Variants in SYTL2 observed in about 807,000 individuals in gnomAD.
SYTL2 encodes the protein synaptotagmin like 2.
In SYTL2, 165 loss-of-function variants were observed where a neutral mutation model predicts 198.7. The ratio of observed to expected loss-of-function variants is 0.83; its 90% CI spans 0.73 to 0.94. The LOEUF (loss-of-function observed/expected upper bound fraction) is 0.94, where lower values mean the gene tolerates loss of function less well. Among genes scored for constraint, SYTL2 ranks in the 40% least tolerant of loss-of-function variants. The probability of loss-of-function intolerance (pLI) is 0.00; values close to 1 mark genes in which losing one functional copy is unlikely to be tolerated. For synonymous variants in SYTL2, 966 were observed against 917.7 expected, an observed-to-expected ratio of 1.05 and a Z score of -0.95; for missense variants, 2,835 against 2,582.8, an observed-to-expected ratio of 1.10 and a Z score of -2.12.
chr11:85,828,614 C>A, the SYTL2 span, among the ~76,000 whole-genome samples: 1 of 152,210 alleles, frequency 6.6e-6, no homozygotes, highest in Non-Finnish European at 1.5e-5. Context: ...ATTTCTCCCA[C>A]AATAATCCCT....
chr11:85,820,476 A>AGG, the SYTL2 span, among the ~76,000 whole-genome samples: 3 of 152,224 alleles, frequency 2.0e-5, no homozygotes, highest in African/African-American at 7.2e-5. Flanking sequence ...TTTCCACCCC[A>AGG]TAGAAGCAGC....
At chr11:85,805,941 A>G (rs1028558237) in intron 1 of SYTL2, among the ~76,000 whole-genome samples, 6 of 152,188 alleles carry the variant, frequency 3.9e-5, no homozygotes, top group Non-Finnish European at 7.4e-5. Context: ...AAATGCTCTT[A>G]TTTTGGCCTT....
intron 2 of SYTL2, among the ~76,000 whole-genome samples, chr11:85,748,860 T>C (rs1204825755): frequency 1.3e-5 from 2 of 152,230 alleles, no homozygotes; most frequent in East Asian, 1.9e-4. Flanking sequence ...ATTCATTCAA[T>C]AGCTCTCTGC....
the SYTL2 span, among the ~76,000 whole-genome samples, chr11:85,826,024 T>C: frequency 2.6e-5 from 4 of 152,232 alleles, no homozygotes; most frequent in Admixed American, 6.5e-5. Flanking sequence ...AAGAAACTAA[T>C]TCCAGATCCC....
chr11:85,695,336 T>G lies in SYTL2; in HGVS notation c.6579A>C (p.Lys2193Asn), dbSNP rs1565826853. ...GGLRIGFGTG[K>N]SYGTEVDWMD... is the part of the protein sequence containing the mutation. ...TCCAGTCCACTTCAGTCCCATAACT[T>G]TTACCTGAAAAAAGGAAGCTTTGCA... Residue 2193 changes from lysine (K) to asparagine (N), a missense_variant, in exon 20 of 20, where the codon AAA becomes AAC. By Grantham distance (94) the Lys-to-Asn change is moderately conservative. Coordinates refer to ENST00000359152, the MANE Select transcript of SYTL2 (RefSeq NM_206927.4). The G allele has an allele frequency of 2.6e-6, 4 of 1,541,522 alleles. No individual in the cohort carries two copies. In the Middle Eastern group the frequency reaches 5.2e-4, roughly 201 times the overall value.
chr11:85,749,425 T>A (rs1434540620), intron 2 of SYTL2, among the ~76,000 whole-genome samples: 2 of 152,154 alleles, frequency 1.3e-5, no homozygotes, highest in African/African-American at 4.8e-5. Context: ...ATCAAAGTGC[T>A]TCAGGCAGAG....
In SYTL2 at chr11:85,709,514, AAAT is replaced by A; in HGVS notation, c.5746-17_5746-15del. The A allele has an allele frequency of 1.2e-6, 2 of 1,612,206 alleles. No individual in the cohort carries two copies. The highest frequency in any genetic ancestry group is 2.2e-5 in the South Asian group (2 of 91,028). On this transcript the variant is annotated splice_polypyrimidine_tract_variant and intron_variant, in intron 13 of 19. Coordinates refer to ENST00000359152, the MANE Select transcript of SYTL2 (RefSeq NM_206927.4). ...ACTGCCACTCACCTGAAAGCATCAG[AAAT>A]ACATAGTGTTTGTCTCTATCTCATT... is the stretch of plus-strand genomic sequence containing the variant.
intron 1 of SYTL2, among the ~76,000 whole-genome samples, chr11:85,802,243 C>A (rs1451018418): frequency 7.8e-6 from 1 of 127,954 alleles, no homozygotes; most frequent in African/African-American, 2.9e-5. Flanking sequence ...TTTTTGTGAG[C>A]CGGAGCCTTG....
intron 9 of SYTL2, chr11:85,719,173 G>A: frequency 1.5e-6 from 2 of 1,322,768 alleles, no homozygotes; most frequent in Admixed American, 5.2e-5. Flanking sequence ...TTCTGTAAAG[G>A]GTATGATGCT....
chr11:85,785,031 A>G (rs1296254289), intron 1 of SYTL2, among the ~76,000 whole-genome samples: 1 of 152,118 alleles, frequency 6.6e-6, no homozygotes, highest in Non-Finnish European at 1.5e-5. Context: ...ACCAATCAGA[A>G]GAGGCTTCAA....
rs1307150348 is a variant in SYTL2 at position 85,726,430 on chromosome 11, G to T, written c.2928C>A (p.Val976=). ...ERMDEPNAEQ[V]YNPSQFENLR... Reference sequence around the variant, plus strand: ...AATTCTCAAACTGAGAGGGATTATAGACCTGTTCTGCATTGGGTTCATCCA... The same window carrying T: ...AATTCTCAAACTGAGAGGGATTATATACCTGTTCTGCATTGGGTTCATCCA... Residue 976 remains valine, a synonymous_variant, in exon 8 of 20, where the codon GTC becomes GTA. Coordinates refer to ENST00000359152, the MANE Select transcript of SYTL2 (RefSeq NM_206927.4). 4 of 1,613,224 alleles carry T rather than the reference G, an allele frequency of 2.5e-6. No individual in the cohort carries two copies. Among genetic ancestry groups the T allele is most frequent in the Non-Finnish European group, 8.5e-7 (1 of 1,179,838 alleles).
intron 3 of SYTL2, among the ~76,000 whole-genome samples, chr11:85,746,901 CT>C (rs1207438484): frequency 1.3e-5 from 2 of 152,200 alleles, no homozygotes; most frequent in African/African-American, 4.8e-5. Flanking sequence ...GGGCAAGTTA[CT>C]TAACTTCTCT....
At chr11:85,844,165 T>C in the SYTL2 span, among the ~76,000 whole-genome samples, 1 of 152,228 alleles carries the variant, frequency 6.6e-6, no homozygotes, top group Non-Finnish European at 1.5e-5. Context: ...GTGTAAGCCC[T>C]AGCTGAAGCC....
At chr11:85,769,800 A>G (rs1370932327) in intron 1 of SYTL2, among the ~76,000 whole-genome samples, 1 of 152,186 alleles carries the variant, frequency 6.6e-6, no homozygotes, top group African/African-American at 2.4e-5. Flanking sequence ...TGGGCTGGAC[A>G]GGAGAACCAC....
At chr11:85,784,621 C>T (rs755938664) in intron 1 of SYTL2, among the ~76,000 whole-genome samples, 8 of 152,154 alleles carry the variant, frequency 5.3e-5, no homozygotes, top group Non-Finnish European at 1.0e-4. Flanking sequence ...TATTCTCTAA[C>T]ATAATGGCTT....
the SYTL2 span, among the ~76,000 whole-genome samples, chr11:85,843,057 A>C: frequency 1.3e-5 from 2 of 152,180 alleles, no homozygotes; most frequent in Non-Finnish European, 2.9e-5. Flanking sequence ...GCTTGTTTAG[A>C]TCTGGAGGTG....
At chr11:85,785,012 T>C (rs1324260262) in intron 1 of SYTL2, among the ~76,000 whole-genome samples, 1 of 152,056 alleles carries the variant, frequency 6.6e-6, no homozygotes, top group African/African-American at 2.4e-5. Flanking sequence ...GGGTATTATT[T>C]CTCATTAAAC....
chr11:85,849,508 C>T, the SYTL2 span, among the ~76,000 whole-genome samples: 73 of 152,326 alleles, frequency 4.8e-4, no homozygotes, highest in Admixed American at 2.4e-3. Context: ...TTTCTACATA[C>T]GGCTAGCCAG....
At chr11:85,751,575 G>C (rs2091514668) in intron 2 of SYTL2, among the ~76,000 whole-genome samples, 1 of 152,190 alleles carries the variant, frequency 6.6e-6, no homozygotes, top group South Asian at 2.1e-4. Flanking sequence ...AAACACCGGT[G>C]GGCTGGTGGG....
Sources: gnomAD v4.1 joint callset for allele counts (sites outside exome capture counted in the v4.1 genomes callset) on GRCh38, gnomAD v4.1.1 for gene constraint, MANE v1.5 for transcripts, NCBI Gene and HGNC (gene_info 2026-07-23, HGNC 2026-07-21) for gene names.